Variants in IQGAP3 observed in about 807,000 individuals in gnomAD.
IQGAP3 encodes IQ motif containing GTPase activating protein 3.
Under a neutral mutation model 208.2 loss-of-function variants are expected in IQGAP3, and 165 were observed. The ratio of observed to expected loss-of-function variants is 0.79; its 90% CI spans 0.70 to 0.90. IQGAP3 has a LOEUF of 0.90. Among genes scored for constraint, IQGAP3 ranks in the 40% least tolerant of loss-of-function variants. The pLI is 0.00. For missense variants in IQGAP3, 1,811 were observed against 2,043.1 expected, an observed-to-expected ratio of 0.89 and a Z score of 2.19; for synonymous variants, 703 against 803.6, an observed-to-expected ratio of 0.87 and a Z score of 2.12.
chr1:156,533,426 C>T (rs1224987465), intron 31 of IQGAP3, among the ~76,000 whole-genome samples: 2 of 152,232 alleles, frequency 1.3e-5, no homozygotes, highest in Non-Finnish European at 2.9e-5. Flanking sequence ...CTCCAATCAC[C>T]ATCTTCATTC....
chr1:156,539,431 C>T lies in IQGAP3; in HGVS notation c.2999G>A (p.Arg1000His), dbSNP rs111494634. ...CTGGAGCAGGAGATAGGCCTCTCGG[C>T]GGCTGGAGGCATAGTTGTACAGGCT... ...IFSLYNYASS[R>H]REAYLLLQLF... The change falls in exon 25 of 38, where the codon CGC becomes CAC. Residue 1000 changes from arginine (R) to histidine (H), a missense_variant. Coordinates refer to ENST00000361170, the MANE Select transcript of IQGAP3 (RefSeq NM_178229.5). 2.5e-4 allele frequency: 404 copies of T among 1,614,070 alleles called. No individual in the cohort carries two copies. The highest frequency in any genetic ancestry group is 3.2e-4 in the Non-Finnish European group (376 of 1,179,986).
rs1332974384 is a variant in IQGAP3 at position 156,540,753 on chromosome 1, C to T, written c.2694G>A (p.Met898Ile). ...NQQLEQDLNI[M>I]DIKIGLLVKN... ...TCACCAGCAGGCCAATCTTGATGTC[C>T]ATGATGTTGAGGTCCTGCTCCAGCT... The change falls in exon 23 of 38, where the codon ATG becomes ATA. Residue 898 changes from methionine to isoleucine, a missense_variant. Met to Ile is a conservative substitution (Grantham distance 10). Coordinates refer to ENST00000361170, the MANE Select transcript of IQGAP3 (RefSeq NM_178229.5). 1 of 1,614,042 alleles carries T rather than the reference C, an allele frequency of 6.2e-7. No homozygotes were observed. The highest frequency in any genetic ancestry group is 8.5e-7 in the Non-Finnish European group (1 of 1,180,036).
chr1:156,556,685 CGTGGA>C lies in IQGAP3; in HGVS notation c.1133_1137del (p.Leu378ArgfsTer16). On this transcript the variant is annotated frameshift_variant, in exon 12 of 38. Coordinates refer to ENST00000361170, the MANE Select transcript of IQGAP3 (RefSeq NM_178229.5). LOFTEE classifies it high-confidence loss of function. ...ATGGCTTTGTTGATCCGCTGCACAG[CGTGGA>C]GCACTGCAAGGCAGGAGAGCAACAG... 6.4e-7 allele frequency: 1 copy of C among 1,574,052 alleles called. No homozygotes were observed. Among genetic ancestry groups the C allele is most frequent in the Non-Finnish European group, 8.7e-7 (1 of 1,155,958 alleles).
intron 1 of IQGAP3, among the ~76,000 whole-genome samples, chr1:156,572,118 C>T (rs1255031174): frequency 6.6e-6 from 1 of 152,208 alleles, no homozygotes. Context: ...GCCTAAGAGT[C>T]CCCCAGATCC....
At chr1:156,563,096 C>A in intron 8 of IQGAP3, 38 bp downstream of exon 8, 1 of 1,521,100 alleles carries the variant, frequency 6.6e-7, no homozygotes, top group South Asian at 1.3e-5. Context: ...TCCAGCCACT[C>A]AACTTTTCGG....
intron 27 of IQGAP3, among the ~76,000 whole-genome samples, chr1:156,536,434 G>A (rs564459815): frequency 6.6e-6 from 1 of 152,280 alleles, no homozygotes; most frequent in South Asian, 2.1e-4. Flanking sequence ...GATTTCACAG[G>A]AGTAGAGAGT....
chr1:156,533,730 G>T, intron 31 of IQGAP3, 43 bp downstream of exon 31: 1 of 1,520,380 alleles, frequency 6.6e-7, no homozygotes, highest in Non-Finnish European at 9.1e-7. Context: ...CTCCCTCCAT[G>T]CAGGTCCCCT....
Position 156,551,709 on chromosome 1 carries a change from G to A in IQGAP3, c.1730C>T (p.Ala577Val), listed in dbSNP as rs774142010. 138 of 1,609,556 alleles carry A rather than the reference G, an allele frequency of 8.6e-5. No individual in the cohort carries two copies. Among genetic ancestry groups the A allele is most frequent in the Non-Finnish European group, 1.1e-4 (135 of 1,178,454 alleles). Residue 577 changes from alanine to valine, a missense_variant, in exon 15 of 38, where the codon GCC (alanine) becomes GTC (valine). By Grantham distance (64) the Ala-to-Val change is moderately conservative. Transcript: ENST00000361170. Reference sequence around the variant, plus strand: ...CCCAACCAGCCCTAACTTCACCTGGGCCTTCTGCCTTTTGGCTGCCACAAG... The same window carrying A: ...CCCAACCAGCCCTAACTTCACCTGGACCTTCTGCCTTTTGGCTGCCACAAG... ...LLLVAAKRQK[A>V]QVTGDPGAVL...
At chr1:156,559,708 T>C (rs1005264210) in intron 11 of IQGAP3, among the ~76,000 whole-genome samples, 2 of 152,050 alleles carry the variant, frequency 1.3e-5, no homozygotes, top group Non-Finnish European at 2.9e-5. Context: ...AGCCCGGTGA[T>C]GGGAAAGGCT....
chr1:156,526,740 T>A, intron 37 of IQGAP3, 141 bp from the exon 38 acceptor site: 1 of 618,374 alleles, frequency 1.6e-6, no homozygotes, highest in Non-Finnish European at 2.9e-6. Flanking sequence ...GAAATCCCAC[T>A]TCACAAATGA....
At chr1:156,554,069 C>G (rs1444342813) in intron 13 of IQGAP3, among the ~76,000 whole-genome samples, 166 bp downstream of exon 13, 4 of 152,282 alleles carry the variant, frequency 2.6e-5, no homozygotes, top group African/African-American at 9.6e-5. Flanking sequence ...ATCCCATCCA[C>G]TCCCAGGAAG....
intron 16 of IQGAP3, among the ~76,000 whole-genome samples, chr1:156,549,490 A>C (rs2102404452): frequency 6.7e-6 from 1 of 148,170 alleles, no homozygotes; most frequent in Middle Eastern, 3.4e-3. Context: ...AAAAAAAAGA[A>C]AAAAAAAATT....
chr1:156,572,504 C>G lies in IQGAP3; in HGVS notation c.26G>C (p.Gly9Ala), dbSNP rs1183272664. 1.2e-6 allele frequency: 2 copies of G among 1,611,794 alleles called. No homozygotes were observed. Among genetic ancestry groups the G allele is most frequent in the South Asian group, 1.1e-5 (1 of 91,082 alleles). ...CTCTCCGCACTCACAGGCTGCCCAG[C>G]CTGGGCCCGCTGCTCTCCTCTCCAT... MERRAAGP[G>A]WAAYERLTAE... The change falls in exon 1 of 38, where the codon GGC becomes GCC. Residue 9 changes from glycine (G) to alanine (A), a missense_variant. Gly to Ala is a moderately conservative substitution (Grantham distance 60). Transcript: ENST00000361170.
At chr1:156,568,642 C>T (rs1004380507) in intron 2 of IQGAP3, among the ~76,000 whole-genome samples, 3 of 152,192 alleles carry the variant, frequency 2.0e-5, no homozygotes, top group East Asian at 1.9e-4. Context: ...CCTTCCTCAG[C>T]CCCCCAAGTA....
At chr1:156,561,392 C>T (rs1193033239) in intron 10 of IQGAP3, among the ~76,000 whole-genome samples, 1 of 152,158 alleles carries the variant, frequency 6.6e-6, no homozygotes, top group Non-Finnish European at 1.5e-5. Context: ...GTCTCAAACT[C>T]CTGACCTCAA....
In IQGAP3 at chr1:156,534,564, G is replaced by T; in HGVS notation, c.3677C>A (p.Ser1226Tyr). 1 of 1,612,100 alleles carries T rather than the reference G, an allele frequency of 6.2e-7. No homozygotes were observed. The highest frequency in any genetic ancestry group is 1.1e-5 in the South Asian group (1 of 90,878). ...GACCCGTAGGTGCTGGCTCTGCCCA[G>T]AGAAGGCCTTGCCAGCCGCAGCGTG... ...LQHAAAGKAF[S>Y]GQSQHLRVLN... The change falls in exon 29 of 38, where the codon TCT becomes TAT. Residue 1226 changes from serine to tyrosine, a missense_variant. Ser to Tyr is a moderately radical substitution (Grantham distance 144). Coordinates refer to ENST00000361170, the MANE Select transcript of IQGAP3 (RefSeq NM_178229.5).
Position 156,555,920 on chromosome 1 carries a change from G to C in IQGAP3, c.1290+613C>G, listed in dbSNP as rs565266728. Among the ~76,000 whole-genome samples, 5 of 152,324 alleles carry C rather than the reference G, an allele frequency of 3.3e-5. No homozygotes were observed. The South Asian group carries it at 1.0e-3, about 32-fold the overall frequency. ...TCCTGAGGGCTGTGCCTGTATCCAA[G>C]TCATGCTGGGAGTAGATGCTCTATA... On this transcript the variant is annotated intron_variant, in intron 12 of 37. Coordinates refer to ENST00000361170, the MANE Select transcript of IQGAP3 (RefSeq NM_178229.5).
chr1:156,538,174 C>T (rs1427230270), intron 26 of IQGAP3, among the ~76,000 whole-genome samples: 1 of 152,218 alleles, frequency 6.6e-6, no homozygotes, highest in Non-Finnish European at 1.5e-5. Context: ...CATTCTCCTG[C>T]TTCAGCCTCC....
chr1:156,530,670 A>G (rs1674350097), intron 33 of IQGAP3, among the ~76,000 whole-genome samples: 1 of 152,018 alleles, frequency 6.6e-6, no homozygotes, highest in East Asian at 1.9e-4. Context: ...ACGGCACAGG[A>G]TGTTTGGGGG....
Sources: allele counts gnomAD v4.1 joint callset (sites outside exome capture counted in the v4.1 genomes callset), GRCh38; gene constraint gnomAD v4.1.1; transcripts MANE v1.5; gene names NCBI Gene and HGNC (gene_info 2026-07-23, HGNC 2026-07-21).